The following MYH10 variants were observed in gnomAD, a reference collection of about 807,000 sequenced individuals.
The protein encoded by MYH10 is myosin-10.
In MYH10, 55 loss-of-function variants were observed where a neutral mutation model predicts 257.8. The ratio of observed to expected loss-of-function variants is 0.21; its 90% CI spans 0.17 to 0.27. MYH10 has a LOEUF of 0.27. Ranked by LOEUF, MYH10 falls within the 10% of genes least tolerant of loss-of-function variation. The probability of loss-of-function intolerance (pLI) is 1.00; values close to 1 mark genes in which losing one functional copy is unlikely to be tolerated. For synonymous variants in MYH10, 854 were observed against 921.7 expected (o/e 0.93, Z 1.33); for missense variants, 1,631 against 2,500.6 (o/e 0.65, Z 7.42).
At chr17:8,525,668 GTTT>G (rs1355963640) in intron 17 of MYH10, among the ~76,000 whole-genome samples, 1 of 152,114 alleles carries the variant, frequency 6.6e-6, no homozygotes, top group South Asian at 2.1e-4. Flanking sequence ...TGTGTGTGTG[GTTT>G]TTTAAAAATA....
intron 4 of MYH10, among the ~76,000 whole-genome samples, chr17:8,579,244 A>G (rs1039935817): frequency 6.6e-6 from 1 of 151,284 alleles, no homozygotes; most frequent in Non-Finnish European, 1.5e-5. Flanking sequence ...GTGCCACTGC[A>G]CCCCAGCCTG....
At chr17:8,560,697 A>G (rs567573284) in intron 7 of MYH10, 2 of 671,436 alleles carry the variant, frequency 3.0e-6, no homozygotes, top group African/African-American at 1.8e-5. Context: ...TAATAATGCC[A>G]GTCCATCTAC....
chr17:8,488,368 T>C lies in MYH10; in HGVS notation c.4885-774A>G, dbSNP rs117257570. Among the ~76,000 whole-genome samples, 629 of 152,330 alleles carry C rather than the reference T, an allele frequency of 4.1e-3. 1 individual carries two copies. Among genetic ancestry groups the C allele is most frequent in the Non-Finnish European group, 5.9e-3 (400 of 68,020 alleles). On this transcript the variant is annotated intron_variant, in intron 35 of 42. Transcript: ENST00000360416. ...ATGATGAGGACCAGACACAGAGCTG[T>C]TGAGCTCCAAACCTTATCAGCCCAT...
chr17:8,484,339 TG>T (rs766953004), intron 36 of MYH10, 73 bp from the exon 37 acceptor site: 59 of 1,463,966 alleles, frequency 4.0e-5, no homozygotes, highest in Non-Finnish European at 5.4e-5. Flanking sequence ...TTTTTAGAGA[TG>T]AGCCCTGGCT....
At position 8,511,856 on chromosome 17, in the gene MYH10, A is replaced by G. The variant is rs775010968; in HGVS notation, c.2952+595T>C. Among the ~76,000 whole-genome samples, 75 of 152,210 alleles carry G rather than the reference A, an allele frequency of 4.9e-4. 1 individual carries two copies. The highest frequency in any genetic ancestry group is 1.6e-4 in the Non-Finnish European group (11 of 68,028). ...GGTTATTTTGAAGCAAATCCCAGAC[A>G]TCATATTTCACTTGTAAAACCTTCA... On this transcript the variant is annotated intron_variant, in intron 24 of 42. Coordinates refer to ENST00000360416, the MANE Select transcript of MYH10 (RefSeq NM_001256012.3).
In MYH10 at chr17:8,475,883, G is replaced by C. The variant is rs1300038693; in HGVS notation, c.5945C>G (p.Ala1982Gly). Residue 1982 changes from alanine to glycine, a missense_variant, in exon 43 of 43, where the codon GCT (alanine) becomes GGT (glycine). Ala to Gly is a moderately conservative substitution (Grantham distance 60, BLOSUM62 0). Around this residue, in one of 11 missense-constraint regions of MYH10, gnomAD observed 343 missense variants for 389.5 expected, o/e 0.88. Transcript: ENST00000360416. ...GTCATCGTCGGAGAGCTCCAGGGAA[G>C]CTCCTTCAAGGTGCAGCTGGCGCCG... is the stretch of plus-strand genomic sequence containing the variant. ...SGRRQLHLEG[A>G]SLELSDDDTE... 3.7e-6 allele frequency: 6 copies of C among 1,614,210 alleles called. No individual in the cohort carries two copies. The highest frequency in any genetic ancestry group is 5.1e-6 in the Non-Finnish European group (6 of 1,180,044).
intron 1 of MYH10, among the ~76,000 whole-genome samples, chr17:8,628,903 G>A (rs1006916636): frequency 6.6e-6 from 1 of 152,142 alleles, no homozygotes; most frequent in Non-Finnish European, 1.5e-5. Context: ...CAAATGAAAA[G>A]CCAGGCTCGC....
intron 1 of MYH10, among the ~76,000 whole-genome samples, chr17:8,628,199 A>G (rs978133895): frequency 6.6e-6 from 1 of 152,216 alleles, no homozygotes; most frequent in African/African-American, 2.4e-5. Context: ...TTGTTAGCGA[A>G]CATAAAGATG....
At chr17:8,585,288 G>GTGTATATA (rs1282490980) in intron 4 of MYH10, among the ~76,000 whole-genome samples, 13 of 99,330 alleles carry the variant, frequency 1.3e-4, no homozygotes, top group Non-Finnish European at 1.4e-4. Flanking sequence ...GTGTGTGTGT[G>GTGTATATA]TATATATATA....
At chr17:8,609,315 A>T (rs187792890) in intron 2 of MYH10, among the ~76,000 whole-genome samples, 67 of 152,190 alleles carry the variant, frequency 4.4e-4, no homozygotes, top group Non-Finnish European at 8.4e-4. Context: ...CTACATCCCA[A>T]CTGTAGCTCT....
rs1916368467 is a variant in MYH10 at position 8,495,067 on chromosome 17, C to T, written c.4056+70G>A. 6.4e-6 allele frequency: 6 copies of T among 943,248 alleles called. No individual in the cohort carries two copies. The East Asian group carries it at 1.5e-4, about 23-fold the overall frequency. 58.4% of individuals were successfully genotyped at this position (943,248 alleles called of 1,614,324 possible). A position where few individuals can be genotyped will look rare whatever the true frequency, so the allele number is the denominator to read the frequency against. ...ACACAGAAGGCAATTCTGGGGCCAG[C>T]ATATTTCACCAGCTTATATATTACA... On this transcript the variant is annotated intron_variant, in intron 31 of 42. Coordinates refer to ENST00000360416, the MANE Select transcript of MYH10 (RefSeq NM_001256012.3).
intron 4 of MYH10, among the ~76,000 whole-genome samples, chr17:8,586,287 A>G (rs2083914253): frequency 6.6e-6 from 1 of 152,104 alleles, no homozygotes; most frequent in African/African-American, 2.4e-5. Context: ...TTGTGTAAAT[A>G]AGTCTTATCT....
At chr17:8,485,423 C>T (rs964795680) in intron 36 of MYH10, among the ~76,000 whole-genome samples, 1 of 146,584 alleles carries the variant, frequency 6.8e-6, no homozygotes, top group African/African-American at 2.5e-5. Context: ...TTGATTTACA[C>T]ATCAACACAA....
intron 16 of MYH10, among the ~76,000 whole-genome samples, chr17:8,533,537 C>T (rs758673821): frequency 6.6e-6 from 1 of 152,188 alleles, no homozygotes; most frequent in Admixed American, 6.5e-5. Context: ...AAGGCATAAC[C>T]GGGCCATAAA....
At chr17:8,622,101 C>T (rs927597839) in intron 2 of MYH10, among the ~76,000 whole-genome samples, 4 of 152,166 alleles carry the variant, frequency 2.6e-5, no homozygotes, top group Admixed American at 6.5e-5. Flanking sequence ...ACCCCTTTTC[C>T]GATTTCAAAC....
intron 24 of MYH10, among the ~76,000 whole-genome samples, chr17:8,512,106 A>G (rs963508142): frequency 1.3e-5 from 2 of 152,202 alleles, no homozygotes; most frequent in Non-Finnish European, 2.9e-5. Flanking sequence ...CTATCTAATG[A>G]ATGGAGTGAG....
intron 2 of MYH10, among the ~76,000 whole-genome samples, chr17:8,608,891 A>C (rs1313337983): frequency 2.0e-5 from 3 of 151,966 alleles, no homozygotes; most frequent in Non-Finnish European, 2.9e-5. Flanking sequence ...GCTCACTGCA[A>C]GCTCCGCCTC....
At chr17:8,522,109 T>C (rs2081674178) in intron 17 of MYH10, among the ~76,000 whole-genome samples, 1 of 152,232 alleles carries the variant, frequency 6.6e-6, no homozygotes, top group Admixed American at 6.5e-5. Context: ...TATCCTCTTA[T>C]TGAAAAGAAG....
intron 35 of MYH10, among the ~76,000 whole-genome samples, chr17:8,488,658 C>T (rs1915266271): frequency 6.6e-6 from 1 of 152,142 alleles, no homozygotes. Context: ...GGCACCAAGG[C>T]TTGACGGAGT....
Sources: allele counts gnomAD v4.1 joint callset (sites outside exome capture counted in the v4.1 genomes callset), GRCh38; gene constraint gnomAD v4.1.1; regional missense constraint gnomAD v4.1.1; transcripts MANE v1.5; gene names NCBI Gene and HGNC (gene_info 2026-07-23, HGNC 2026-07-21).